The following RPTOR variants were observed in gnomAD, a reference collection of about 807,000 sequenced individuals.
RPTOR encodes the protein regulatory-associated protein of mTOR.
A neutral mutation model predicts 169.9 loss-of-function variants in RPTOR; 21 were observed. The observed-to-expected ratio is 0.12, with a 90% CI of 0.09 to 0.18. The LOEUF (loss-of-function observed/expected upper bound fraction) is 0.18. Among genes scored for constraint, RPTOR ranks in the 10% least tolerant of loss-of-function variants. The pLI, the probability that RPTOR is intolerant of heterozygous loss-of-function variation, is 1.00. For synonymous variants in RPTOR, 732 were observed against 753.2 expected, an observed-to-expected ratio of 0.97 and a Z score of 0.46; for missense variants, 1,133 against 1,855.9, an observed-to-expected ratio of 0.61 and a Z score of 7.16.
chr17:80,949,403 G>A (rs756989916), intron 27 of RPTOR, 40 bp from the exon 28 acceptor site: 11 of 1,526,026 alleles, frequency 7.2e-6, no homozygotes, highest in East Asian at 4.5e-5. Flanking sequence ...CCAGGCCATC[G>A]AGGGGCCTGG....
intron 1 of RPTOR, among the ~76,000 whole-genome samples, chr17:80,623,676 C>T (rs1271901592): frequency 6.6e-6 from 1 of 151,948 alleles, no homozygotes; most frequent in East Asian, 1.9e-4. Context: ...GCTAGGATTA[C>T]AGGTGCACAC....
rs2069116591 is a variant in RPTOR at position 80,947,397 on chromosome 17, G to A, written c.3265+46G>A. On this transcript the variant is annotated intron_variant, in intron 27 of 33. Coordinates refer to ENST00000306801, the MANE Select transcript of RPTOR (RefSeq NM_020761.3). This position sits in a 1 kb window ranked among gnomAD's most constrained non-coding sequence, Gnocchi z 4.4. ...CAGGATTGGAAGCCAGGGTCTGGAG[G>A]AGTGGCGGGGAGGGTGTGTGATCCT... The A allele has an allele frequency of 6.7e-7, 1 of 1,491,944 alleles. No individual in the cohort carries two copies. The allele number at this position is 1,491,944 out of a possible 1,614,324, so 92.4% of individuals were successfully genotyped here.
intron 1 of RPTOR, among the ~76,000 whole-genome samples, chr17:80,582,196 G>A (rs2065020252): frequency 6.6e-6 from 1 of 152,228 alleles, no homozygotes; most frequent in African/African-American, 2.4e-5. Flanking sequence ...TGTGGTGGAA[G>A]CGTGGTTACT....
At chr17:80,796,129 A>C (rs2067099130) in intron 7 of RPTOR, among the ~76,000 whole-genome samples, 2 of 152,174 alleles carry the variant, frequency 1.3e-5, no homozygotes, top group African/African-American at 4.8e-5. Flanking sequence ...CCATTCTCAC[A>C]CTGCTGTCAA....
chr17:80,816,991 C>T (rs1327792230), intron 7 of RPTOR, among the ~76,000 whole-genome samples: 1 of 152,200 alleles, frequency 6.6e-6, no homozygotes, highest in African/African-American at 2.4e-5. Flanking sequence ...CCTCATAGAG[C>T]CTCAGTTTCT....
At position 80,602,824 on chromosome 17, in the gene RPTOR, C is replaced by T. The variant is rs1027438982; in HGVS notation, c.163-22867C>T. 1.4e-4 allele frequency: 87 copies of T among 635,554 alleles called. 1 individual carries two copies. Among genetic ancestry groups the T allele is most frequent in the Middle Eastern group, 1.1e-3 (3 of 2,644 alleles). 39.4% of individuals were successfully genotyped at this position (635,554 alleles called of 1,614,324 possible). A position where few individuals can be genotyped will look rare whatever the true frequency, so the allele number is the denominator to read the frequency against. On this transcript the variant is annotated intron_variant, in intron 1 of 33. Transcript: ENST00000306801. ...GGGGCACGCTTCATGAAGCCCACTC[C>T]GTGGACGCGCTGGTGAATGTTGATG...
intron 14 of RPTOR, among the ~76,000 whole-genome samples, chr17:80,882,446 C>G (rs371869758): frequency 6.6e-6 from 1 of 152,316 alleles, no homozygotes; most frequent in African/African-American, 2.4e-5. Flanking sequence ...GAGACAGCAC[C>G]GGCCCCAACA....
intron 5 of RPTOR, among the ~76,000 whole-genome samples, chr17:80,752,425 C>T (rs1320165330): frequency 6.6e-6 from 1 of 152,242 alleles, no homozygotes; most frequent in African/African-American, 2.4e-5. Context: ...TGAAAGCATT[C>T]TGTTTGGTGG....
chr17:80,725,855 A>T (rs1312312192), intron 4 of RPTOR, among the ~76,000 whole-genome samples: 1 of 152,208 alleles, frequency 6.6e-6, no homozygotes, highest in Non-Finnish European at 1.5e-5. Flanking sequence ...AGTCTCACTA[A>T]CTGTAATGTA....
At chr17:80,886,926 C>T (rs977241827) in intron 17 of RPTOR, among the ~76,000 whole-genome samples, 3 of 152,186 alleles carry the variant, frequency 2.0e-5, no homozygotes, top group African/African-American at 7.2e-5. Context: ...TACACCAGAG[C>T]CTTGTGGAGA....
intron 6 of RPTOR, among the ~76,000 whole-genome samples, chr17:80,762,041 G>A (rs937110905): frequency 2.0e-5 from 3 of 152,232 alleles, no homozygotes; most frequent in Non-Finnish European, 2.9e-5. Flanking sequence ...CTTCCAGGCC[G>A]TTTCCAGAGG....
intron 8 of RPTOR, among the ~76,000 whole-genome samples, chr17:80,822,802 TTG>T (rs2067395277): frequency 7.7e-6 from 1 of 129,672 alleles, no homozygotes; most frequent in Admixed American, 7.4e-5. Flanking sequence ...GTGCGTGTAT[TTG>T]TGTATGCGTG....
intron 5 of RPTOR, among the ~76,000 whole-genome samples, chr17:80,743,946 GC>G (rs2066525125): frequency 2.1e-5 from 1 of 46,818 alleles, no homozygotes; most frequent in African/African-American, 9.7e-5. Context: ...TACTAGCACA[GC>G]CCTGGCTACT....
intron 1 of RPTOR, among the ~76,000 whole-genome samples, chr17:80,564,148 T>C (rs1429277552): frequency 6.6e-6 from 1 of 151,986 alleles, no homozygotes; most frequent in African/African-American, 2.4e-5. Context: ...CTACAAGCTC[T>C]GCCTCCCGAG....
intron 13 of RPTOR, among the ~76,000 whole-genome samples, chr17:80,867,204 G>A (rs2068003127): frequency 6.6e-6 from 1 of 152,002 alleles, no homozygotes; most frequent in Non-Finnish European, 1.5e-5. Context: ...TTTAAGGATT[G>A]AAAAATCAAT....
At chr17:80,594,242 T>C (rs1176050836) in intron 1 of RPTOR, among the ~76,000 whole-genome samples, 1 of 152,076 alleles carries the variant, frequency 6.6e-6, no homozygotes, top group Non-Finnish European at 1.5e-5. Flanking sequence ...TAGAGGTGCG[T>C]GCCACCATGC....
rs891443307 is a variant in RPTOR, at chr17:80,862,731, T to C, written c.1509+4831T>C. 2.1e-5 allele frequency among the ~76,000 whole-genome samples: 3 copies of C among 144,358 alleles called. No individual in the cohort carries two copies. In the East Asian group the frequency reaches 5.9e-4, roughly 28 times the overall value. 94.7% of individuals were successfully genotyped at this position (144,358 alleles called of 152,430 possible). A position where few individuals can be genotyped will look rare whatever the true frequency, so the allele number is the denominator to read the frequency against. ...GGTCCTCCGGGGCTCCGCCCCCACA[T>C]GATGAGTGCCTCCTGCAGCCCTCAG... On this transcript the variant is annotated intron_variant, in intron 13 of 33. Transcript: ENST00000306801.
At chr17:80,570,066 G>A (rs1407864673) in intron 1 of RPTOR, among the ~76,000 whole-genome samples, 1 of 151,892 alleles carries the variant, frequency 6.6e-6, no homozygotes, top group Non-Finnish European at 1.5e-5. Context: ...TTACTCTGCC[G>A]CTCTCATTCT....
chr17:80,956,301 T>A (rs187160150), intron 28 of RPTOR, among the ~76,000 whole-genome samples: 28 of 152,280 alleles, frequency 1.8e-4, no homozygotes, highest in African/African-American at 6.7e-4. Context: ...ATTACTATGG[T>A]GTTCCTTTCT....
Sources: gnomAD v4.1 joint callset for allele counts (sites outside exome capture counted in the v4.1 genomes callset) on GRCh38, gnomAD v4.1.1 for gene constraint, Gnocchi (gnomAD v3.1) non-coding constraint, MANE v1.5 for transcripts, NCBI Gene and HGNC (gene_info 2026-07-23, HGNC 2026-07-21) for gene names.